Variants in MIIP observed in about 807,000 individuals in gnomAD.
MIIP encodes migration and invasion inhibitory protein, also known as migration and invasion-inhibitory protein.
A neutral mutation model predicts 44.8 loss-of-function variants in MIIP; 44 were observed. That is an observed-to-expected ratio of 0.98 (90% CI 0.77 to 1.26). The LOEUF is 1.26. MIIP is among the 50% of genes most tolerant of loss of function. The probability of loss-of-function intolerance (pLI) is 0.00; values close to 1 mark genes in which losing one functional copy is unlikely to be tolerated. For missense variants in MIIP, 496 were observed against 511.7 expected, an observed-to-expected ratio of 0.97 and a Z score of 0.30; for synonymous variants, 225 against 218.3, an observed-to-expected ratio of 1.03 and a Z score of -0.27.
Position 12,030,133 on chromosome 1 carries a change from C to T in MIIP, c.942+9C>T, listed in dbSNP as rs1045833508. 3 of 1,611,290 alleles carry T rather than the reference C, an allele frequency of 1.9e-6. No individual in the cohort carries two copies. Among genetic ancestry groups the T allele is most frequent in the Non-Finnish European group, 2.5e-6 (3 of 1,179,182 alleles). The stretch of plus-strand genomic sequence containing the variant: ...CACTGGCCCTGCCCCGGGTGAGCAG[C>T]CACGTGGGGCTGGATGGTGATGAGG... On this transcript the variant is annotated intron_variant, in intron 8 of 9. Transcript: ENST00000235332.
In MIIP at chr1:12,022,882, G is replaced by A. The variant is rs150662495; in HGVS notation, c.512G>A (p.Arg171His). The A allele has an allele frequency of 3.5e-5, 56 of 1,610,218 alleles. No homozygotes were observed. The African/African-American group carries it at 6.2e-4, about 18-fold the overall frequency. ...EESAVPKRSW[R>H]LRPYLGYDWI... ...TCTGCAGTTCCTAAGAGGAGCTGGCGCCTCAGGCCATACCTGGGCTATGAC... is the reference window on the plus strand; with the variant it reads ...TCTGCAGTTCCTAAGAGGAGCTGGCACCTCAGGCCATACCTGGGCTATGAC... Residue 171 changes from arginine to histidine, a missense_variant, in exon 4 of 10, where the codon CGC becomes CAC. Transcript: ENST00000235332.
In MIIP at chr1:12,031,843, G is replaced by T. The variant is rs112313701; in HGVS notation, c.*35G>T. On this transcript the variant is annotated 3_prime_UTR_variant, in exon 10 of 10. Coordinates refer to ENST00000235332, the MANE Select transcript of MIIP (RefSeq NM_021933.4). ...CCTGGGGGAGAACAGCATTCCCGCC[G>T]CCTCCAGCCTCTCCCCTCTGGCAGG... The T allele has an allele frequency of 4.4e-3, 6,934 of 1,587,114 alleles. 212 individuals are homozygous for T. In the African/African-American group the frequency reaches 0.075, roughly 17 times the overall value.
chr1:12,025,028 C>CT (rs147513513), intron 4 of MIIP, among the ~76,000 whole-genome samples: 55,668 of 123,424 alleles, frequency 0.45, 11,754 homozygotes, highest in African/African-American at 0.55. Context: ...AATTCCCTTC[C>CT]TTTTTTTTTT....
chr1:12,028,213 TA>T (rs1388220697), intron 4 of MIIP, among the ~76,000 whole-genome samples: 3 of 151,916 alleles, frequency 2.0e-5, no homozygotes, highest in South Asian at 2.1e-4. Context: ...TCTCAAAAAA[TA>T]AAAAAAGAAA....
intron 6 of MIIP, 184 bp from the exon 7 acceptor site, chr1:12,029,581 C>T (rs1640183925): frequency 1.2e-6 from 1 of 847,740 alleles, no homozygotes; most frequent in Non-Finnish European, 1.8e-6. Context: ...GGAGGATGTC[C>T]CTCCCCACCC....
chr1:12,020,139 C>T (rs1296750798), intron 1 of MIIP, among the ~76,000 whole-genome samples: 1 of 152,194 alleles, frequency 6.6e-6, no homozygotes, highest in Non-Finnish European at 1.5e-5. Context: ...TTCCAAGAAC[C>T]CTGAACTCAT....
rs776831139 is a variant in MIIP at position 12,031,382 on chromosome 1, C to T, written c.1059C>T (p.Gly353=). ...SAEAQHQKLS[G]TSSPFHPASP... is the part of the protein sequence containing the mutation. ...AGGCCCAGCACCAGAAGCTGTCCGG[C>T]ACCAGCAGCCCTTTTCACCCGGTAC... is the stretch of plus-strand genomic sequence containing the variant. Residue 353 remains glycine (G), a synonymous_variant, in exon 9 of 10, where the codon GGC becomes GGT. Transcript: ENST00000235332. 1.2e-6 allele frequency: 2 copies of T among 1,613,792 alleles called. No individual in the cohort carries two copies. The highest frequency in any genetic ancestry group is 3.3e-5 in the Admixed American group (2 of 59,998).
At chr1:12,021,888 C>T (rs1370917147) in intron 2 of MIIP, 48 bp downstream of exon 2, 2 of 1,470,004 alleles carry the variant, frequency 1.4e-6, no homozygotes, top group South Asian at 1.3e-5. Context: ...ACCTGACCTT[C>T]AGGCCAGCAT....
At chr1:12,030,993 G>T in intron 8 of MIIP, 1 of 428,184 alleles carries the variant, frequency 2.3e-6, no homozygotes, top group Non-Finnish European at 4.3e-6. Flanking sequence ...AATCCATGCA[G>T]GTGCTTGGAG....
intron 4 of MIIP, among the ~76,000 whole-genome samples, chr1:12,027,605 C>T (rs1047334038): frequency 3.9e-5 from 6 of 151,980 alleles, no homozygotes; most frequent in African/African-American, 1.2e-4. Context: ...GGTCTTCTGA[C>T]TCCTCCTCTC....
chr1:12,026,671 G>A (rs916433691), intron 4 of MIIP, among the ~76,000 whole-genome samples: 4 of 152,178 alleles, frequency 2.6e-5, no homozygotes, highest in Non-Finnish European at 5.9e-5. Flanking sequence ...TGTATCTCAT[G>A]CTCCCTGCAC....
At chr1:12,024,654 G>A (rs1014698159) in intron 4 of MIIP, among the ~76,000 whole-genome samples, 2 of 152,060 alleles carry the variant, frequency 1.3e-5, no homozygotes, top group Non-Finnish European at 2.9e-5. Flanking sequence ...CAGGCGATCC[G>A]CCCGCCTCAG....
Position 12,022,896 on chromosome 1 carries a change from C to T in MIIP, c.526C>T (p.Leu176=). 1 of 1,610,326 alleles carries T rather than the reference C, an allele frequency of 6.2e-7. No individual in the cohort carries two copies. The highest frequency in any genetic ancestry group is 8.5e-7 in the Non-Finnish European group (1 of 1,178,164). Residue 176 remains leucine, a synonymous_variant, in exon 4 of 10, where the codon CTG becomes TTG. Transcript: ENST00000235332. ...GAGGAGCTGGCGCCTCAGGCCATACCTGGGCTATGACTGGATTGCAGGTAA... is the reference window on the plus strand; with the variant it reads ...GAGGAGCTGGCGCCTCAGGCCATACTTGGGCTATGACTGGATTGCAGGTAA... The part of the protein sequence containing the change: ...PKRSWRLRPY[L]GYDWIAGSLD...
intron 6 of MIIP, 161 bp downstream of exon 6, chr1:12,029,442 G>T (rs767246627): frequency 1.2e-5 from 10 of 846,208 alleles, no homozygotes; most frequent in Non-Finnish European, 1.8e-5. Flanking sequence ...GGGTGGCCAA[G>T]CCCTGGTAGG....
chr1:12,029,988 G>A, intron 7 of MIIP, 40 bp from the exon 8 acceptor site: 1 of 1,610,878 alleles, frequency 6.2e-7, no homozygotes, highest in African/African-American at 1.3e-5. Flanking sequence ...CCCAACCGCT[G>A]GGAGGCTCCT....
At chr1:12,030,240 C>A in intron 8 of MIIP, 116 bp downstream of exon 8, 1 of 942,060 alleles carries the variant, frequency 1.1e-6, no homozygotes, top group Non-Finnish European at 1.7e-6. Flanking sequence ...GCGCCCAAGT[C>A]TCTGGAGCAC....
At position 12,022,901 on chromosome 1, in the gene MIIP, C is replaced by T. The variant is rs770974232; in HGVS notation, c.531C>T (p.Gly177=). ...KRSWRLRPYL[G]YDWIAGSLDT... ...GCTGGCGCCTCAGGCCATACCTGGG[C>T]TATGACTGGATTGCAGGTAAGGCGT... The change falls in exon 4 of 10, where the codon GGC becomes GGT. Residue 177 remains glycine (G), a synonymous_variant. Coordinates refer to ENST00000235332, the MANE Select transcript of MIIP (RefSeq NM_021933.4). The T allele has an allele frequency of 1.2e-6, 2 of 1,610,024 alleles. No individual in the cohort carries two copies. Among genetic ancestry groups the T allele is most frequent in the East Asian group, 4.5e-5 (2 of 44,776 alleles).
In MIIP at chr1:12,022,502, C is replaced by G. The variant is rs546829213; in HGVS notation, c.462+60C>G. 2.9e-5 allele frequency: 38 copies of G among 1,333,236 alleles called. No homozygotes were observed. The African/African-American group carries it at 5.2e-4, about 18-fold the overall frequency. 82.6% of individuals were successfully genotyped at this position (1,333,236 alleles called of 1,614,324 possible). On this transcript the variant is annotated intron_variant, in intron 3 of 9. Coordinates refer to ENST00000235332, the MANE Select transcript of MIIP (RefSeq NM_021933.4). ...GGAGCTTCCTTGGGCCTCAGTTTCC[C>G]TATCTGACACATGTGCTTGTGGGTA...
At chr1:12,023,059 CTTTTTTTTT>C (rs869060053) in intron 4 of MIIP, 142 bp downstream of exon 4, 41 of 353,330 alleles carry the variant, frequency 1.2e-4, no homozygotes, top group Admixed American at 1.8e-4. Flanking sequence ...GGAGCACCCT[CTTTTTTTTT>C]TTTTTTTTTT....
Sources: gnomAD v4.1 joint callset for allele counts (sites outside exome capture counted in the v4.1 genomes callset) on GRCh38, gnomAD v4.1.1 for gene constraint, MANE v1.5 for transcripts, NCBI Gene and HGNC (gene_info 2026-07-23, HGNC 2026-07-21) for gene names.